The following PAX5 variants were observed in gnomAD, a reference collection of about 807,000 sequenced individuals.
PAX5 encodes the protein paired box protein Pax-5.
PAX5 carries 9 observed loss-of-function variants against 43.7 expected under a neutral mutation model. The observed-to-expected ratio is 0.21, with a 90% CI of 0.12 to 0.36. The LOEUF is 0.36. PAX5 is among the 10% of genes least tolerant of loss of function. The pLI is 1.00. For synonymous variants in PAX5, 228 were observed against 214.3 expected (o/e 1.06, Z -0.56); for missense variants, 383 against 532.7 (o/e 0.72, Z 2.77).
chr9:36,840,237 T>C lies in PAX5; in HGVS notation c.*323A>G, dbSNP rs1821929210. 7.9e-6 allele frequency: 4 copies of C among 507,188 alleles called. No individual in the cohort carries two copies. In the South Asian group the frequency reaches 9.3e-5, roughly 12 times the overall value. 31.4% of individuals were successfully genotyped at this position (507,188 alleles called of 1,614,324 possible). A position where few individuals can be genotyped will look rare whatever the true frequency, so the allele number is the denominator to read the frequency against. On this transcript the variant is annotated 3_prime_UTR_variant, in exon 10 of 10. Coordinates refer to ENST00000358127, the MANE Select transcript of PAX5 (RefSeq NM_016734.3). ...CCCAGGCTGGGGTGGTTATGATGGA[T>C]GGATAGTCAGACAGCTGGAGGACAG...
At chr9:36,879,720 G>C (rs936798672) in intron 8 of PAX5, among the ~76,000 whole-genome samples, 5 of 152,220 alleles carry the variant, frequency 3.3e-5, no homozygotes, top group African/African-American at 1.2e-4. Flanking sequence ...TTGCAGGACT[G>C]TTGCGTCATA....
chr9:36,853,376 A>T (rs926157615), intron 8 of PAX5, among the ~76,000 whole-genome samples: 20 of 152,136 alleles, frequency 1.3e-4, no homozygotes, highest in African/African-American at 4.6e-4. Context: ...CAGAGAGAAA[A>T]TTCTCTCATA....
chr9:36,942,888 C>T (rs567712830), intron 6 of PAX5, among the ~76,000 whole-genome samples: 7 of 152,278 alleles, frequency 4.6e-5, no homozygotes, highest in South Asian at 4.2e-4. Context: ...GCCTGGTGGC[C>T]GGGCAACGGC....
rs950365766 is a variant in PAX5 at position 36,924,692 on chromosome 9, C to T, written c.781-1208G>A. ...CCATGATCATGCCACTGTACTCCAG[C>T]TTGGGTGACAGAGCAAGACTCTGTC... On this transcript the variant is annotated intron_variant, in intron 6 of 9. Transcript: ENST00000358127. Among the ~76,000 whole-genome samples, 12 of 134,596 alleles carry T rather than the reference C, an allele frequency of 8.9e-5. No individual in the cohort carries two copies. In the East Asian group the frequency reaches 2.4e-3, roughly 27 times the overall value. The allele number at this position is 134,596 out of a possible 152,430, so 88.3% of individuals were successfully genotyped here. A position where few individuals can be genotyped will look rare whatever the true frequency, so the allele number is the denominator to read the frequency against.
At chr9:36,993,525 T>C (rs918497267) in intron 5 of PAX5, among the ~76,000 whole-genome samples, 5 of 152,080 alleles carry the variant, frequency 3.3e-5, no homozygotes, top group African/African-American at 1.2e-4. Flanking sequence ...CTGTTTTAGA[T>C]GGAAAAACTG....
intron 9 of PAX5, among the ~76,000 whole-genome samples, chr9:36,843,198 G>A (rs928976140): frequency 1.3e-5 from 2 of 152,072 alleles, no homozygotes; most frequent in East Asian, 3.9e-4. Context: ...TCTAACAGGA[G>A]CACCAAGGGA....
At chr9:36,967,852 G>T (rs568681784) in intron 5 of PAX5, among the ~76,000 whole-genome samples, 1 of 152,326 alleles carries the variant, frequency 6.6e-6, no homozygotes, top group East Asian at 1.9e-4. Context: ...AATTCCCTCT[G>T]TGTTCTGTAT....
chr9:36,978,346 A>C (rs1835628464), intron 5 of PAX5, among the ~76,000 whole-genome samples: 1 of 152,236 alleles, frequency 6.6e-6, no homozygotes, highest in East Asian at 1.9e-4. Context: ...CTAGGAGCAA[A>C]AGGGTGATTT....
intron 6 of PAX5, among the ~76,000 whole-genome samples, chr9:36,937,790 C>T (rs1032291266): frequency 6.6e-6 from 1 of 152,234 alleles, no homozygotes; most frequent in Admixed American, 6.5e-5. Flanking sequence ...TTATTCTCCT[C>T]ATTTAGACAG....
chr9:37,002,874 A>T (rs1838027586), intron 4 of PAX5, 98 bp from the exon 5 acceptor site: 2 of 1,412,650 alleles, frequency 1.4e-6, no homozygotes, highest in African/African-American at 2.9e-5. Flanking sequence ...GGAGGGAGCG[A>T]GCGCAGGGTG....
intron 8 of PAX5, among the ~76,000 whole-genome samples, chr9:36,868,364 C>G (rs189525504): frequency 6.6e-6 from 1 of 152,214 alleles, no homozygotes; most frequent in Non-Finnish European, 1.5e-5. Context: ...AGAGGAATTC[C>G]GGGCAGCCCT....
chr9:36,982,576 G>A (rs979595536), intron 5 of PAX5, among the ~76,000 whole-genome samples: 1 of 152,196 alleles, frequency 6.6e-6, no homozygotes, highest in African/African-American at 2.4e-5. Flanking sequence ...AGGATGGGGG[G>A]TCCTTCTCCT....
intron 6 of PAX5, among the ~76,000 whole-genome samples, chr9:36,933,849 G>A (rs1307165432): frequency 6.6e-6 from 1 of 152,180 alleles, no homozygotes; most frequent in Admixed American, 6.5e-5. Context: ...TGCAACCAGG[G>A]CCAGACCCTC....
chr9:36,907,529 G>A (rs1828924229), intron 7 of PAX5, among the ~76,000 whole-genome samples: 2 of 152,136 alleles, frequency 1.3e-5, no homozygotes, highest in Admixed American at 6.5e-5. Flanking sequence ...CTGAAGCCCC[G>A]TGTATCAAAT....
At chr9:37,002,852 T>G (rs2132400041) in intron 4 of PAX5, 76 bp from the exon 5 acceptor site, 6 of 1,397,098 alleles carry the variant, frequency 4.3e-6, no homozygotes, top group East Asian at 2.8e-5. Context: ...CACGTGAGGC[T>G]GGGGGCGGCT....
At chr9:36,960,678 C>G (rs1833894281) in intron 6 of PAX5, among the ~76,000 whole-genome samples, 1 of 152,170 alleles carries the variant, frequency 6.6e-6, no homozygotes, top group South Asian at 2.1e-4. Flanking sequence ...GACACACTGC[C>G]CTCAAAGCAG....
chr9:36,854,228 C>T lies in PAX5; in HGVS notation c.1013-7299G>A, dbSNP rs1156258881. On this transcript the variant is annotated intron_variant, in intron 8 of 9. Coordinates refer to ENST00000358127, the MANE Select transcript of PAX5 (RefSeq NM_016734.3). ...GGTGGCTCAGGGATCGGCGGCTACCCGGGATGTTGCGGGACCAAACTGTTG... is the reference window on the plus strand; with the variant it reads ...GGTGGCTCAGGGATCGGCGGCTACCTGGGATGTTGCGGGACCAAACTGTTG... Among the ~76,000 whole-genome samples, 6 of 152,190 alleles carry T rather than the reference C, an allele frequency of 3.9e-5. No homozygotes were observed. In the East Asian group the frequency reaches 9.6e-4, roughly 24 times the overall value.
chr9:36,983,574 T>C (rs1318325828), intron 5 of PAX5, among the ~76,000 whole-genome samples: 1 of 152,268 alleles, frequency 6.6e-6, no homozygotes, highest in Non-Finnish European at 1.5e-5. Context: ...AAGGAAGCGC[T>C]ACAAAATACT....
rs945777911 is a variant in PAX5 at position 36,868,942 on chromosome 9, G to T, written c.1012+13062C>A. ...CTCTAAAGCACCATGCAGGTTGGGG[G>T]TGGGGAAGCATGGGGCTTGTTGGTA... On this transcript the variant is annotated intron_variant, in intron 8 of 9. Transcript: ENST00000358127. Among the ~76,000 whole-genome samples, 5 of 152,332 alleles carry T rather than the reference G, an allele frequency of 3.3e-5. No homozygotes were observed. The South Asian group carries it at 1.0e-3, about 32-fold the overall frequency.
Sources: allele counts gnomAD v4.1 joint callset (sites outside exome capture counted in the v4.1 genomes callset), GRCh38; gene constraint gnomAD v4.1.1; transcripts MANE v1.5; gene names NCBI Gene and HGNC (gene_info 2026-07-23, HGNC 2026-07-21).